SLC4A4: variants seen among roughly 807,000 people sequenced by gnomAD.
The protein encoded by SLC4A4 is electrogenic sodium bicarbonate cotransporter 1.
SLC4A4 carries 27 observed loss-of-function variants against 111.5 expected under a neutral mutation model. The ratio of observed to expected loss-of-function variants is 0.24; its 90% CI spans 0.18 to 0.33. The LOEUF (loss-of-function observed/expected upper bound fraction) is 0.33, where lower values mean the gene tolerates loss of function less well. Among genes scored for constraint, SLC4A4 ranks in the 10% least tolerant of loss-of-function variants. The pLI is 1.00. For synonymous variants in SLC4A4, 443 were observed against 463.4 expected, an observed-to-expected ratio of 0.96 and a Z score of 0.57; for missense variants, 909 against 1,315.5, an observed-to-expected ratio of 0.69 and a Z score of 4.78.
intron 3 of SLC4A4, among the ~76,000 whole-genome samples, chr4:71,274,605 C>T (rs553118697): frequency 6.6e-6 from 1 of 152,296 alleles, no homozygotes; most frequent in African/African-American, 2.4e-5. Flanking sequence ...TTCTGATTAT[C>T]AGGCTCTGTA....
At chr4:71,126,996 A>G (rs555728941) in intron 2 of SLC4A4, among the ~76,000 whole-genome samples, 48 of 152,336 alleles carry the variant, frequency 3.2e-4, no homozygotes, top group Non-Finnish European at 5.6e-4. Flanking sequence ...TAACTTAACT[A>G]CACATGGACA....
chr4:71,249,229 G>T (rs1720889387), intron 2 of SLC4A4, among the ~76,000 whole-genome samples: 1 of 151,996 alleles, frequency 6.6e-6, no homozygotes, highest in South Asian at 2.1e-4. Flanking sequence ...CTGGTCCTGT[G>T]TAATAGGTAG....
intron 16 of SLC4A4, among the ~76,000 whole-genome samples, chr4:71,508,858 C>T (rs1446640107): frequency 1.3e-5 from 2 of 152,152 alleles, no homozygotes; most frequent in African/African-American, 4.8e-5. Flanking sequence ...AAATCTTCAA[C>T]AAAATGCTGG....
intron 1 of SLC4A4, among the ~76,000 whole-genome samples, chr4:71,076,284 A>G (rs1032064683): frequency 3.3e-5 from 5 of 152,136 alleles, no homozygotes; most frequent in African/African-American, 1.2e-4. Flanking sequence ...TAATCCCAGC[A>G]TTTTGTGAGG....
intron 2 of SLC4A4, among the ~76,000 whole-genome samples, chr4:71,174,855 C>T (rs564396718): frequency 6.6e-6 from 1 of 152,312 alleles, no homozygotes; most frequent in Non-Finnish European, 1.5e-5. Flanking sequence ...CATGCTTCAA[C>T]CTCCCAGATT....
At chr4:71,381,129 G>A (rs1012800593) in intron 6 of SLC4A4, among the ~76,000 whole-genome samples, 17 of 152,188 alleles carry the variant, frequency 1.1e-4, no homozygotes, top group Admixed American at 7.9e-4. Context: ...AAATCGAAGT[G>A]CAGTCTTACT....
intron 1 of SLC4A4, among the ~76,000 whole-genome samples, chr4:71,226,473 A>G (rs1034309096): frequency 6.6e-6 from 1 of 152,236 alleles, no homozygotes; most frequent in African/African-American, 2.4e-5. Context: ...TTTGAATTTA[A>G]TTTGACCCCT....
intron 7 of SLC4A4, among the ~76,000 whole-genome samples, chr4:71,420,052 A>C (rs960708060): frequency 6.6e-6 from 1 of 152,224 alleles, no homozygotes; most frequent in Non-Finnish European, 1.5e-5. Context: ...TACCGGAGGA[A>C]ATTCAAACCA....
At position 71,153,684 on chromosome 4, in the gene SLC4A4, T is replaced by TCTTTG. The variant is rs1156449324; in HGVS notation, c.-2+60893_-2+60897dup. On this transcript the variant is annotated intron_variant, in intron 2 of 26. Coordinates refer to the SLC4A4 transcript ENST00000649996. The stretch of plus-strand genomic sequence containing the variant: ...AATATGTCTTGGTTTTTTTTCTTCG[T>TCTTTG]CTTTGTTAGAAATAAAATATTTCAT... 2.0e-4 allele frequency among the ~76,000 whole-genome samples: 31 copies of TCTTTG among 152,220 alleles called. 1 individual carries two copies. In the Middle Eastern group the frequency reaches 0.014, roughly 67 times the overall value.
Position 71,416,391 on chromosome 4 carries a change from C to A in SLC4A4, c.807+18738C>A, listed in dbSNP as rs543595235. 1.6e-4 allele frequency among the ~76,000 whole-genome samples: 25 copies of A among 152,270 alleles called. No individual in the cohort carries two copies. In the Middle Eastern group the frequency reaches 0.01, roughly 62 times the overall value. On this transcript the variant is annotated intron_variant, in intron 7 of 25. Coordinates refer to ENST00000264485, the MANE Select transcript of SLC4A4 (RefSeq NM_001098484.3). ...TTGACAACAATAATTACTAATAAAA[C>A]AATTACGACAATATTGTATAATAAA...
intron 6 of SLC4A4, among the ~76,000 whole-genome samples, chr4:71,368,433 C>T (rs965170436): frequency 1.3e-5 from 2 of 152,078 alleles, no homozygotes; most frequent in Non-Finnish European, 2.9e-5. Context: ...TATCCCTACC[C>T]CAGTCTTATG....
At position 71,435,656 on chromosome 4, in the gene SLC4A4, T is replaced by C. The variant is rs144210887; in HGVS notation, c.808-4960T>C. Among the ~76,000 whole-genome samples the C allele has an allele frequency of 9.1e-3, 1,379 of 152,122 alleles. 24 individuals are homozygous for C. The highest frequency in any genetic ancestry group is 0.032 in the African/African-American group (1,329 of 41,488). ...AATGAGAGAAAAGTTTTGCAATCTA[T>C]CCATCTGACAAAGGACTAATATCCA... On this transcript the variant is annotated intron_variant, in intron 7 of 25. Coordinates refer to ENST00000264485, the MANE Select transcript of SLC4A4 (RefSeq NM_001098484.3).
intron 2 of SLC4A4, among the ~76,000 whole-genome samples, chr4:71,164,380 C>CAA (rs766735805): frequency 3.4e-4 from 22 of 65,030 alleles, no homozygotes; most frequent in Non-Finnish European, 5.0e-4. Context: ...ACTCTGTCTC[C>CAA]AAAAAAAAAA....
At chr4:71,407,912 T>G (rs1721015711) in intron 7 of SLC4A4, among the ~76,000 whole-genome samples, 1 of 152,182 alleles carries the variant, frequency 6.6e-6, no homozygotes, top group African/African-American at 2.4e-5. Context: ...TGTGCTTTGC[T>G]AAACCCCATG....
chr4:71,412,413 T>G (rs1721440344), intron 7 of SLC4A4, among the ~76,000 whole-genome samples: 1 of 152,188 alleles, frequency 6.6e-6, no homozygotes, highest in Admixed American at 6.5e-5. Flanking sequence ...GAAAGTTGCC[T>G]TCCAGTGAGA....
chr4:71,368,981 T>TGGATGTGTG (rs1199191150), intron 6 of SLC4A4, among the ~76,000 whole-genome samples: 9 of 152,210 alleles, frequency 5.9e-5, no homozygotes, highest in Non-Finnish European at 1.2e-4. Flanking sequence ...TCCATCCTCA[T>TGGATGTGTG]CCTTGCTGTG....
intron 3 of SLC4A4, among the ~76,000 whole-genome samples, chr4:71,268,075 G>GCTT (rs71673470): frequency 2.3e-5 from 2 of 87,586 alleles, no homozygotes; most frequent in Non-Finnish European, 4.0e-5. Flanking sequence ...ATAAAGTAGT[G>GCTT]TTTTTTTTTT....
rs185059146 is a variant in SLC4A4 at position 71,490,547 on chromosome 4, C to A, written c.1974+3529C>A. Among the ~76,000 whole-genome samples the A allele has an allele frequency of 7.9e-5, 12 of 151,928 alleles. No individual in the cohort carries two copies. In the East Asian group the frequency reaches 1.8e-3, roughly 22 times the overall value. The stretch of plus-strand genomic sequence containing the variant: ...TACTCTGCCCCTAGCCTTCAGATGG[C>A]AGATACCTGAGCCCTTTCCAAAGTG... On this transcript the variant is annotated intron_variant, in intron 15 of 25. Transcript: ENST00000264485.
In SLC4A4 at chr4:71,451,237, C is replaced by T. The variant is rs775193706; in HGVS notation, c.1258C>T (p.Pro420Ser). 1 of 1,613,410 alleles carries T rather than the reference C, an allele frequency of 6.2e-7. No homozygotes were observed. Among genetic ancestry groups the T allele is most frequent in the Non-Finnish European group, 8.5e-7 (1 of 1,179,410 alleles). The change falls in exon 11 of 26, where the codon CCC becomes TCC. Residue 420 changes from proline to serine, a missense_variant. Pro to Ser is a moderately conservative substitution (Grantham distance 74). Around this residue, in one of 7 missense-constraint regions of SLC4A4, gnomAD observed 312 missense variants for 402.0 expected, o/e 0.78. Coordinates refer to ENST00000264485, the MANE Select transcript of SLC4A4 (RefSeq NM_001098484.3). Reference protein sequence around the residue: ...GENVQMNGDTPHDGGHGGGGH... With the variant: ...GENVQMNGDTSHDGGHGGGGH... Reference sequence around the variant, plus strand: ...GAATGTTCAGATGAATGGGGATACGCCCCATGATGGAGGTCACGGAGGAGG... The same window carrying T: ...GAATGTTCAGATGAATGGGGATACGTCCCATGATGGAGGTCACGGAGGAGG...
Sources: allele counts gnomAD v4.1 joint callset (sites outside exome capture counted in the v4.1 genomes callset), GRCh38; gene constraint gnomAD v4.1.1; regional missense constraint gnomAD v4.1.1; transcripts MANE v1.5; gene names NCBI Gene and HGNC (gene_info 2026-07-23, HGNC 2026-07-21).